C2orf42: variants seen among roughly 807,000 people sequenced by gnomAD.
The protein encoded by C2orf42 is uncharacterized protein C2orf42.
In C2orf42, 44 loss-of-function variants were observed where a neutral mutation model predicts 58.9. That is an observed-to-expected ratio of 0.75 (90% CI 0.59 to 0.96). The LOEUF (loss-of-function observed/expected upper bound fraction) is 0.96. Among genes scored for constraint, C2orf42 ranks in the 40% least tolerant of loss-of-function variants. The pLI, the probability that C2orf42 is intolerant of heterozygous loss-of-function variation, is 0.00. For synonymous variants in C2orf42, 239 were observed against 265.4 expected (o/e 0.90, Z 0.97); for missense variants, 630 against 699.2 (o/e 0.90, Z 1.12).
rs1310708100 is a variant in C2orf42 at position 70,181,386 on chromosome 2, A to G, written c.600T>C (p.Ser200=). ...VVKCKASQKH[S]LGYLHTSFVQ... ...CAAAAGATGTATGCAAATACCCCAA[A>G]CTGTGCTTCTGGCTTGCCTTGCATT... The change falls in exon 3 of 10, where the codon AGT becomes AGC. Residue 200 remains serine (S), a synonymous_variant. Transcript: ENST00000264434. 1.2e-6 allele frequency: 2 copies of G among 1,614,134 alleles called. No individual in the cohort carries two copies. Among genetic ancestry groups the G allele is most frequent in the Admixed American group, 3.3e-5 (2 of 60,004 alleles).
At position 70,152,476 on chromosome 2, in the gene C2orf42, G is replaced by A. The variant is rs531856313; in HGVS notation, c.1517-1912C>T. ...AGCTTCTGGGAGGAAATATAAAACAGGTGGAGATGGATGGAAAGAAACCTA... is the reference window on the plus strand; with the variant it reads ...AGCTTCTGGGAGGAAATATAAAACAAGTGGAGATGGATGGAAAGAAACCTA... On this transcript the variant is annotated intron_variant, in intron 9 of 9. Transcript: ENST00000264434. Among the ~76,000 whole-genome samples the A allele has an allele frequency of 2.6e-5, 4 of 152,220 alleles. No homozygotes were observed. The East Asian group carries it at 7.7e-4, about 29-fold the overall frequency.
At chr2:70,175,056 A>AT (rs144647895) in intron 5 of C2orf42, among the ~76,000 whole-genome samples, 3 of 152,096 alleles carry the variant, frequency 2.0e-5, no homozygotes, top group Non-Finnish European at 4.4e-5. Context: ...TTTAAAAATT[A>AT]TTTTTTTAAA....
chr2:70,179,991 T>C (rs13028968), intron 3 of C2orf42, among the ~76,000 whole-genome samples: 38,779 of 151,836 alleles, frequency 0.26, 5,565 homozygotes, highest in African/African-American at 0.35. Flanking sequence ...TGATTGCTTG[T>C]TTTAAAATAA....
intron 6 of C2orf42, among the ~76,000 whole-genome samples, chr2:70,169,053 G>A (rs1188020441): frequency 6.6e-6 from 1 of 151,688 alleles, no homozygotes; most frequent in Non-Finnish European, 1.5e-5. Flanking sequence ...TTAGTCTCAT[G>A]TGTTTAGATT....
chr2:70,173,290 T>C, intron 5 of C2orf42, among the ~76,000 whole-genome samples: 1 of 143,318 alleles, frequency 7.0e-6, no homozygotes, highest in Non-Finnish European at 1.5e-5. Flanking sequence ...TTTTTTTTTT[T>C]TGAGACGGAG....
chr2:70,163,575 C>A (rs894796834), intron 8 of C2orf42, among the ~76,000 whole-genome samples: 1 of 152,100 alleles, frequency 6.6e-6, no homozygotes, highest in African/African-American at 2.4e-5. Context: ...GTAAGACAGG[C>A]ACAGGGGCTC....
chr2:70,175,633 T>A (rs1490722235), intron 5 of C2orf42, 40 bp downstream of exon 5: 1 of 1,184,520 alleles, frequency 8.4e-7, no homozygotes, highest in Non-Finnish European at 1.3e-6. Flanking sequence ...TTAGGATGAC[T>A]TTCCACCACT....
At chr2:70,175,613 T>G in intron 5 of C2orf42, 60 bp downstream of exon 5, 3 of 976,504 alleles carry the variant, frequency 3.1e-6, no homozygotes, top group Non-Finnish European at 5.0e-6. Flanking sequence ...TTATACTGCT[T>G]CTGGCTTCTT....
intron 2 of C2orf42, 40 bp downstream of exon 2, chr2:70,182,627 T>C (rs774111476): frequency 2.6e-5 from 4 of 152,216 alleles, no homozygotes; most frequent in African/African-American, 4.8e-5. Context: ...TGAGTTTTTT[T>C]CCCTTCCATC....
chr2:70,168,651 A>G (rs374488196), intron 6 of C2orf42, among the ~76,000 whole-genome samples: 7 of 151,288 alleles, frequency 4.6e-5, no homozygotes, highest in African/African-American at 1.7e-4. Flanking sequence ...GTGACGTTCC[A>G]TGAGACTATA....
Position 70,181,823 on chromosome 2 carries a change from C to T in C2orf42, c.163G>A (p.Ala55Thr), listed in dbSNP as rs760810285. ...KTCGTIFRYG[A>T]RKQPSVEAVK... ...GCTTCAACACTAGGCTGCTTGCGTG[C>T]ACCGTAGCGGAATATGGTTCCACAT... Residue 55 changes from alanine to threonine, a missense_variant, in exon 3 of 10, where the codon GCA (alanine) becomes ACA (threonine). Physicochemically the swap from Ala to Thr is moderately conservative, Grantham distance 58 (BLOSUM62 0). Coordinates refer to ENST00000264434, the MANE Select transcript of C2orf42 (RefSeq NM_017880.3). 54 of 1,614,046 alleles carry T rather than the reference C, an allele frequency of 3.3e-5. No homozygotes were observed. The highest frequency in any genetic ancestry group is 4.5e-5 in the East Asian group (2 of 44,896).
intron 7 of C2orf42, 71 bp downstream of exon 7, chr2:70,165,457 C>T (rs1558663521): frequency 1.1e-6 from 1 of 905,320 alleles, no homozygotes; most frequent in South Asian, 1.4e-5. Flanking sequence ...GAATATTCCA[C>T]ACAGATTTTT....
rs868152376 is a variant in C2orf42, at chr2:70,164,590, C to T, written c.1353+502G>A. ...GAGGTTGCAGTGAGCCAAGATTGCGCCACTGCACTCCAGCCTGGGTGACAG... is the reference window on the plus strand; with the variant it reads ...GAGGTTGCAGTGAGCCAAGATTGCGTCACTGCACTCCAGCCTGGGTGACAG... On this transcript the variant is annotated intron_variant, in intron 8 of 9. Transcript: ENST00000264434. 2.6e-5 allele frequency among the ~76,000 whole-genome samples: 4 copies of T among 151,918 alleles called. No homozygotes were observed. In the South Asian group the frequency reaches 8.3e-4, roughly 31 times the overall value.
At chr2:70,188,975 C>T (rs1327015456) in intron 1 of C2orf42, among the ~76,000 whole-genome samples, 1 of 152,144 alleles carries the variant, frequency 6.6e-6, no homozygotes, top group East Asian at 1.9e-4. Flanking sequence ...TATAAGGCAA[C>T]TCAATGAAGA....
At chr2:70,173,117 A>C (rs938197062) in intron 5 of C2orf42, among the ~76,000 whole-genome samples, 1 of 151,964 alleles carries the variant, frequency 6.6e-6, no homozygotes, top group Non-Finnish European at 1.5e-5. Context: ...AGATCACGCC[A>C]TTGCACTCCA....
At chr2:70,150,893 G>A (rs1286130384) in intron 9 of C2orf42, among the ~76,000 whole-genome samples, 6 of 152,078 alleles carry the variant, frequency 3.9e-5, no homozygotes, top group African/African-American at 9.7e-5. Context: ...TTACAGGCAC[G>A]TGCCACCACA....
chr2:70,160,440 G>T (rs960345135), intron 9 of C2orf42, among the ~76,000 whole-genome samples, 185 bp downstream of exon 9: 3 of 152,106 alleles, frequency 2.0e-5, no homozygotes, highest in Non-Finnish European at 4.4e-5. Context: ...ACAGCACCTG[G>T]CCTGTAATTT....
intron 4 of C2orf42, 55 bp downstream of exon 4, chr2:70,179,477 G>A (rs965125955): frequency 2.6e-5 from 16 of 609,546 alleles, no homozygotes; most frequent in African/African-American, 1.1e-4. Context: ...GACATAAAAC[G>A]CAGTAAAACA....
At position 70,181,332 on chromosome 2, in the gene C2orf42, A is replaced by G. The variant is rs1448434543; in HGVS notation, c.654T>C (p.Pro218=). The change falls in exon 3 of 10, where the codon CCT becomes CCC. Residue 218 remains proline (P), a synonymous_variant. Transcript: ENST00000264434. ...FVQKVSGKSL[P]ERRFFCSCQT... is the part of the protein sequence containing the mutation. ...GACAGGAGCAGAAGAAGCGGCGCTC[A>G]GGCAAGCTTTTGCCACTGACTTTCT... 6.2e-7 allele frequency: 1 copy of G among 1,614,050 alleles called. No homozygotes were observed. The highest frequency in any genetic ancestry group is 1.1e-5 in the South Asian group (1 of 91,074).
Sources: gnomAD v4.1 joint callset for allele counts (sites outside exome capture counted in the v4.1 genomes callset) on GRCh38, gnomAD v4.1.1 for gene constraint, MANE v1.5 for transcripts, NCBI Gene and HGNC (gene_info 2026-07-23, HGNC 2026-07-21) for gene names.